NKAIN2: variants seen among roughly 807,000 people sequenced by gnomAD.
The protein encoded by NKAIN2 is sodium/potassium-transporting ATPase subunit beta-1-interacting protein 2.
NKAIN2 carries 14 observed loss-of-function variants against 32.6 expected under a neutral mutation model. That is an observed-to-expected ratio of 0.43 (90% confidence interval 0.28 to 0.67). The LOEUF (loss-of-function observed/expected upper bound fraction) is 0.67, where lower values mean the gene tolerates loss of function less well. NKAIN2 is among the 30% of genes least tolerant of loss of function. The probability of loss-of-function intolerance (pLI) is 0.17; values close to 1 mark genes in which losing one functional copy is unlikely to be tolerated. For missense variants in NKAIN2, 198 were observed against 258.3 expected (o/e 0.77, Z 1.60); for synonymous variants, 80 against 87.2 (o/e 0.92, Z 0.46).
chr6:123,830,989 A>T (rs571842306), intron 1 of NKAIN2, among the ~76,000 whole-genome samples: 34 of 152,350 alleles, frequency 2.2e-4, no homozygotes, highest in African/African-American at 8.2e-4. Flanking sequence ...ATCTGTAGCT[A>T]TCGGCTTTTG....
chr6:124,599,681 C>T (rs1489958393), intron 3 of NKAIN2, among the ~76,000 whole-genome samples: 1 of 152,090 alleles, frequency 6.6e-6, no homozygotes, highest in Non-Finnish European at 1.5e-5. Flanking sequence ...GCTCTTTGCT[C>T]TTCTGTGAAT....
intron 1 of NKAIN2, among the ~76,000 whole-genome samples, chr6:123,855,232 A>C (rs992125847): frequency 5.3e-5 from 8 of 152,190 alleles, no homozygotes; most frequent in African/African-American, 1.9e-4. Context: ...AATTTTTATA[A>C]ATTAAAATAT....
In NKAIN2 at chr6:124,770,638, C is replaced by G. The variant is rs1583831275; in HGVS notation, c.475-20701C>G. On this transcript the variant is annotated intron_variant, in intron 4 of 6. Transcript: ENST00000368417. ...TCTATTCTCTTATTTTAGTTTTTTCCCCTTTTCTTTTTACTACCTGAAATC... is the reference window on the plus strand; with the variant it reads ...TCTATTCTCTTATTTTAGTTTTTTCGCCTTTTCTTTTTACTACCTGAAATC... Among the ~76,000 whole-genome samples the G allele has an allele frequency of 2.0e-5, 3 of 151,690 alleles. No individual in the cohort carries two copies. The South Asian group carries it at 6.3e-4, about 32-fold the overall frequency.
chr6:124,757,905 C>T (rs766945926), intron 4 of NKAIN2, among the ~76,000 whole-genome samples: 1 of 152,230 alleles, frequency 6.6e-6, no homozygotes, highest in Non-Finnish European at 1.5e-5. Context: ...TGTGTCAACA[C>T]CATGTTTATT....
intron 4 of NKAIN2, among the ~76,000 whole-genome samples, chr6:124,727,264 C>CCA (rs1273866637): frequency 2.0e-5 from 3 of 151,700 alleles, no homozygotes; most frequent in Non-Finnish European, 4.4e-5. Context: ...GTCAGATTCA[C>CCA]CAAAGTTGAA....
At chr6:124,213,527 C>T (rs1791295133) in intron 1 of NKAIN2, among the ~76,000 whole-genome samples, 1 of 151,858 alleles carries the variant, frequency 6.6e-6, no homozygotes, top group African/African-American at 2.4e-5. Context: ...GTGAGATAAA[C>T]ATAGACCAAG....
At chr6:124,522,626 C>G (rs907287860) in intron 3 of NKAIN2, among the ~76,000 whole-genome samples, 2 of 152,114 alleles carry the variant, frequency 1.3e-5, no homozygotes, top group African/African-American at 4.8e-5. Context: ...AAATAGAAAA[C>G]TAGGAAGACA....
intron 3 of NKAIN2, among the ~76,000 whole-genome samples, chr6:124,429,989 T>TA (rs1351984374): frequency 5.4e-5 from 8 of 147,890 alleles, no homozygotes; most frequent in Admixed American, 2.0e-4. Context: ...AATGAGGCAA[T>TA]AAAAAAGTCA....
intron 3 of NKAIN2, among the ~76,000 whole-genome samples, chr6:124,634,597 T>C (rs2114324826): frequency 6.6e-6 from 1 of 152,084 alleles, no homozygotes; most frequent in East Asian, 1.9e-4. Flanking sequence ...TGGGATACAA[T>C]TAAGTAAACA....
intron 3 of NKAIN2, among the ~76,000 whole-genome samples, chr6:124,561,090 G>A (rs200695509): frequency 1.4e-5 from 2 of 138,836 alleles, no homozygotes; most frequent in Non-Finnish European, 3.2e-5. Context: ...TCACTGTCTT[G>A]TTTCAGGGCA....
chr6:124,305,215 G>C (rs756799009), intron 2 of NKAIN2, among the ~76,000 whole-genome samples: 1 of 152,070 alleles, frequency 6.6e-6, no homozygotes, highest in African/African-American at 2.4e-5. Context: ...TACAAGTGAC[G>C]TGATTGGAAC....
intron 1 of NKAIN2, among the ~76,000 whole-genome samples, chr6:124,201,481 C>G (rs551428932): frequency 1.7e-4 from 26 of 151,840 alleles, no homozygotes; most frequent in Non-Finnish European, 3.4e-4. Flanking sequence ...TTGTTTTGAA[C>G]TATAATTTTA....
chr6:124,051,550 A>G (rs1053837108), intron 1 of NKAIN2, among the ~76,000 whole-genome samples: 6 of 151,918 alleles, frequency 3.9e-5, no homozygotes, highest in African/African-American at 1.5e-4. Context: ...CATTAGGTAT[A>G]TCTCCTAATG....
At chr6:124,408,138 C>G (rs868740309) in intron 3 of NKAIN2, among the ~76,000 whole-genome samples, 21 of 151,932 alleles carry the variant, frequency 1.4e-4, no homozygotes, top group South Asian at 2.1e-4. Context: ...TTCTCCCATT[C>G]TGTAGGTTGC....
chr6:124,636,314 G>GCTAT (rs1554239923), intron 3 of NKAIN2, among the ~76,000 whole-genome samples: 3 of 151,886 alleles, frequency 2.0e-5, no homozygotes, highest in Non-Finnish European at 2.9e-5. Context: ...GCAATAAATG[G>GCTAT]CTATCTCAAA....
At chr6:124,416,667 G>A (rs1774501918) in intron 3 of NKAIN2, among the ~76,000 whole-genome samples, 2 of 152,008 alleles carry the variant, frequency 1.3e-5, no homozygotes, top group Admixed American at 6.6e-5. Context: ...AAATAAAGTA[G>A]TGTCAGAGGA....
At chr6:124,408,837 T>A (rs964333809) in intron 3 of NKAIN2, among the ~76,000 whole-genome samples, 1 of 152,236 alleles carries the variant, frequency 6.6e-6, no homozygotes, top group Non-Finnish European at 1.5e-5. Flanking sequence ...GAGCATGGAA[T>A]GTTCCTCCAT....
At chr6:124,383,781 G>A (rs905083521) in intron 3 of NKAIN2, among the ~76,000 whole-genome samples, 2 of 151,994 alleles carry the variant, frequency 1.3e-5, no homozygotes, top group Non-Finnish European at 2.9e-5. Flanking sequence ...TGGACAATCA[G>A]CTAGCTTGGC....
chr6:123,989,996 G>A (rs1779342001), intron 1 of NKAIN2, among the ~76,000 whole-genome samples: 1 of 152,166 alleles, frequency 6.6e-6, no homozygotes, highest in Admixed American at 6.5e-5. Flanking sequence ...GTTCTGCATG[G>A]CTAGGGAGGC....
Sources: gnomAD v4.1 joint callset for allele counts (sites outside exome capture counted in the v4.1 genomes callset) on GRCh38, gnomAD v4.1.1 for gene constraint, MANE v1.5 for transcripts, NCBI Gene and HGNC (gene_info 2026-07-23, HGNC 2026-07-21) for gene names.